The following TRIM2 variants were observed in gnomAD, a reference collection of about 807,000 sequenced individuals.
TRIM2 encodes the protein tripartite motif-containing protein 2.
In TRIM2, 20 loss-of-function variants were observed where a neutral mutation model predicts 75.2. The observed-to-expected ratio is 0.27, with a 90% confidence interval of 0.19 to 0.39. TRIM2 has a LOEUF of 0.39. Among genes scored for constraint, TRIM2 ranks in the 10% least tolerant of loss-of-function variants. TRIM2 has a pLI of 1.00. For missense variants in TRIM2, 660 were observed against 990.8 expected (o/e 0.67, Z 4.48); for synonymous variants, 373 against 388.3 (o/e 0.96, Z 0.46).
At chr4:153,303,959 G>A (rs1282112774) in intron 6 of TRIM2, among the ~76,000 whole-genome samples, 1 of 152,152 alleles carries the variant, frequency 6.6e-6, no homozygotes, top group Non-Finnish European at 1.5e-5. Flanking sequence ...TGCTTACTCT[G>A]ATCTAGAGGA....
chr4:153,303,301 T>G (rs1256263570), intron 6 of TRIM2, among the ~76,000 whole-genome samples: 1 of 125,828 alleles, frequency 7.9e-6, no homozygotes, highest in African/African-American at 2.6e-5. Flanking sequence ...CCATCTCTAC[T>G]AAAAAAAAAA....
rs559226890 is a variant in TRIM2, at chr4:153,250,731, A to G, written c.31-19604A>G. Among the ~76,000 whole-genome samples the G allele has an allele frequency of 3.3e-5, 5 of 152,296 alleles. No homozygotes were observed. The East Asian group carries it at 9.6e-4, about 29-fold the overall frequency. ...GCAGATCCCACCTGGATATGTCTTC[A>G]GTTTGGGGCAGCTCCCTGTGGGAAA... On this transcript the variant is annotated intron_variant, in intron 1 of 11. Transcript: ENST00000338700.
At chr4:153,293,550 G>A (rs1401451647) in intron 4 of TRIM2, among the ~76,000 whole-genome samples, 1 of 152,198 alleles carries the variant, frequency 6.6e-6, no homozygotes, top group East Asian at 1.9e-4. Flanking sequence ...AAATGGTCTT[G>A]AGCAGTGATT....
At chr4:153,192,916 A>G (rs997245052) in intron 1 of TRIM2, among the ~76,000 whole-genome samples, 19 of 152,238 alleles carry the variant, frequency 1.2e-4, no homozygotes, top group African/African-American at 4.6e-4. Context: ...CAGCCCACCC[A>G]AGTCCACCAT....
chr4:153,282,799 T>TAAA (rs1441315254), intron 3 of TRIM2, among the ~76,000 whole-genome samples: 2 of 151,886 alleles, frequency 1.3e-5, no homozygotes, highest in African/African-American at 4.8e-5. Context: ...TTAATTTTTT[T>TAAA]TTTGGAGACA....
At chr4:153,299,784 T>C (rs1054921588) in intron 6 of TRIM2, among the ~76,000 whole-genome samples, 1 of 152,168 alleles carries the variant, frequency 6.6e-6, no homozygotes, top group African/African-American at 2.4e-5. Context: ...AGTTACCTGT[T>C]CCTAACCATC....
intron 1 of TRIM2, among the ~76,000 whole-genome samples, chr4:153,160,344 G>A (rs757023260): frequency 1.8e-4 from 27 of 152,174 alleles, no homozygotes; most frequent in African/African-American, 6.0e-4. Context: ...AGAAATAAGC[G>A]CTTTTGAGAC....
intron 1 of TRIM2, among the ~76,000 whole-genome samples, chr4:153,208,846 T>C (rs1156983025): frequency 6.6e-6 from 1 of 151,958 alleles, no homozygotes; most frequent in East Asian, 1.9e-4. Context: ...GCAGAGAACA[T>C]TTACAATTTC....
At chr4:153,323,230 A>G (rs549117464) in intron 9 of TRIM2, among the ~76,000 whole-genome samples, 1 of 152,340 alleles carries the variant, frequency 6.6e-6, no homozygotes, top group South Asian at 2.1e-4. Flanking sequence ...ACAGGAGTCT[A>G]GAATATTTGC....
Position 153,339,064 on chromosome 4 carries a change from T to C in TRIM2, c.*4098T>C. ...TAAGTCTTGCACTCTCTGACATTGA[T>C]ACTGATATATTCTCGTCATTTGTTC... On this transcript the variant is annotated 3_prime_UTR_variant, in exon 12 of 12. Coordinates refer to ENST00000338700, the MANE Select transcript of TRIM2 (RefSeq NM_015271.5). The C allele has an allele frequency of 2.0e-6, 2 of 985,832 alleles. No homozygotes were observed. The highest frequency in any genetic ancestry group is 2.4e-6 in the Non-Finnish European group (2 of 829,904). The allele number at this position is 985,832 out of a possible 1,614,324, so 61.1% of individuals were successfully genotyped here.
chr4:153,269,290 T>C (rs569437326), intron 1 of TRIM2, among the ~76,000 whole-genome samples: 1 of 152,356 alleles, frequency 6.6e-6, no homozygotes, highest in East Asian at 1.9e-4. Flanking sequence ...GGGTTTGGAC[T>C]CCTGGGGCAG....
At chr4:153,293,856 G>A (rs1346491099) in intron 4 of TRIM2, among the ~76,000 whole-genome samples, 1 of 152,148 alleles carries the variant, frequency 6.6e-6, no homozygotes, top group Non-Finnish European at 1.5e-5. Flanking sequence ...TCAGCCATTC[G>A]GCAATGCCTG....
intron 1 of TRIM2, among the ~76,000 whole-genome samples, chr4:153,260,005 A>G (rs1014427452): frequency 5.3e-5 from 8 of 152,184 alleles, no homozygotes; most frequent in Admixed American, 2.0e-4. Flanking sequence ...GTCTTTAAAC[A>G]TTATTAATTT....
At chr4:153,287,790 T>A (rs1760989043) in intron 3 of TRIM2, among the ~76,000 whole-genome samples, 1 of 152,342 alleles carries the variant, frequency 6.6e-6, no homozygotes, top group East Asian at 1.9e-4. Context: ...TTATTTTATG[T>A]CATGTAGGAG....
At chr4:153,223,214 C>T (rs888453141) in intron 1 of TRIM2, among the ~76,000 whole-genome samples, 1 of 152,180 alleles carries the variant, frequency 6.6e-6, no homozygotes, top group Non-Finnish European at 1.5e-5. Flanking sequence ...AGCAACAGGG[C>T]CGCTGAGCAG....
chr4:153,295,331 G>C lies in TRIM2; in HGVS notation c.805G>C (p.Asp269His). Residue 269 changes from aspartate to histidine, a missense_variant, in exon 6 of 12, where the codon GAT becomes CAT. This residue lies in a region of TRIM2 where 620 missense variants were observed against 891.0 expected (regional missense o/e 0.70). Coordinates refer to ENST00000338700, the MANE Select transcript of TRIM2 (RefSeq NM_015271.5). This position sits in a 1 kb window ranked among gnomAD's most constrained non-coding sequence, Gnocchi z 7.2. ...LKHKVLQSQL[D>H]TLLQGQESIK... ...CCCGCAGGTCCTCCAGTCGCAGCTG[G>C]ATACTCTGCTCCAGGGGCAGGAGAG... The C allele has an allele frequency of 2.5e-6, 4 of 1,606,456 alleles. No homozygotes were observed. The highest frequency in any genetic ancestry group is 3.4e-6 in the Non-Finnish European group (4 of 1,175,966).
intron 10 of TRIM2, among the ~76,000 whole-genome samples, chr4:153,327,351 T>G (rs924743689): frequency 6.6e-6 from 1 of 152,200 alleles, no homozygotes; most frequent in Non-Finnish European, 1.5e-5. Context: ...AAAGTAATGG[T>G]CATTTTGATC....
At chr4:153,307,337 G>C (rs1765230473) in intron 6 of TRIM2, among the ~76,000 whole-genome samples, 1 of 152,134 alleles carries the variant, frequency 6.6e-6, no homozygotes, top group East Asian at 1.9e-4. Context: ...ATACCTTAAT[G>C]AGTAGATGAA....
chr4:153,256,390 A>G (rs1041634477), intron 1 of TRIM2, among the ~76,000 whole-genome samples: 5 of 152,250 alleles, frequency 3.3e-5, no homozygotes, highest in African/African-American at 1.2e-4. Context: ...ATATTAATGT[A>G]ATCAAATATG....
Sources: allele counts gnomAD v4.1 joint callset (sites outside exome capture counted in the v4.1 genomes callset), GRCh38; gene constraint gnomAD v4.1.1; regional missense constraint gnomAD v4.1.1; non-coding constraint Gnocchi (gnomAD v3.1); transcripts MANE v1.5; gene names NCBI Gene and HGNC (gene_info 2026-07-23, HGNC 2026-07-21).